The following SORCS1 variants were observed in gnomAD, a reference collection of about 807,000 sequenced individuals.
SORCS1 encodes sortilin related VPS10 domain containing receptor 1, also known as VPS10 domain-containing receptor SorCS1.
In SORCS1, 60 loss-of-function variants were observed where a neutral mutation model predicts 146.1. That is an observed-to-expected ratio of 0.41 (90% CI 0.33 to 0.51). The LOEUF (loss-of-function observed/expected upper bound fraction) is 0.51, where lower values mean the gene tolerates loss of function less well. Among genes scored for constraint, SORCS1 ranks in the 20% least tolerant of loss-of-function variants. The probability of loss-of-function intolerance (pLI) is 0.21; values close to 1 mark genes in which losing one functional copy is unlikely to be tolerated. For synonymous variants in SORCS1, 637 were observed against 584.0 expected, an observed-to-expected ratio of 1.09 and a Z score of -1.31; for missense variants, 1,352 against 1,487.6, an observed-to-expected ratio of 0.91 and a Z score of 1.50.
Position 107,030,849 on chromosome 10 carries a change from A to G in SORCS1, c.559-74269T>C, listed in dbSNP as rs552701967. 7.2e-5 allele frequency among the ~76,000 whole-genome samples: 11 copies of G among 152,368 alleles called. No homozygotes were observed. In the East Asian group the frequency reaches 2.1e-3, roughly 29 times the overall value. ...TTGGATGACAACTAAGAAAATGACAAAATCACAAGGACAAAAAAGGAACAG... is the reference window on the plus strand; with the variant it reads ...TTGGATGACAACTAAGAAAATGACAGAATCACAAGGACAAAAAAGGAACAG... On this transcript the variant is annotated intron_variant, in intron 1 of 25. Coordinates refer to ENST00000263054, the MANE Select transcript of SORCS1 (RefSeq NM_052918.5).
chr10:107,153,150 T>C (rs1237674023), intron 1 of SORCS1, among the ~76,000 whole-genome samples: 1 of 151,820 alleles, frequency 6.6e-6, no homozygotes, highest in African/African-American at 2.4e-5. Flanking sequence ...TATCTGTTAT[T>C]TATGTCTCTC....
chr10:106,673,919 A>T (rs1034649307), intron 14 of SORCS1, among the ~76,000 whole-genome samples: 4 of 152,342 alleles, frequency 2.6e-5, no homozygotes, highest in Non-Finnish European at 4.4e-5. Context: ...AATTGAAGAA[A>T]GACAAATTAT....
intron 2 of SORCS1, among the ~76,000 whole-genome samples, chr10:106,918,388 C>T (rs957933419): frequency 6.6e-6 from 1 of 152,132 alleles, no homozygotes; most frequent in Non-Finnish European, 1.5e-5. Context: ...TGGTCTCAAT[C>T]TCCTGACCTG....
At chr10:107,127,720 A>G (rs1247424126) in intron 1 of SORCS1, among the ~76,000 whole-genome samples, 1 of 152,154 alleles carries the variant, frequency 6.6e-6, no homozygotes, top group Non-Finnish European at 1.5e-5. Flanking sequence ...CTGCCTTTCC[A>G]TCTGGCATTG....
intron 2 of SORCS1, among the ~76,000 whole-genome samples, chr10:106,905,680 C>T (rs1951880599): frequency 2.6e-5 from 4 of 152,150 alleles, no homozygotes; most frequent in Admixed American, 2.6e-4. Context: ...TCCAATACTA[C>T]ATCATTTGGC....
chr10:106,875,854 G>C (rs1408257332), intron 2 of SORCS1, among the ~76,000 whole-genome samples: 1 of 152,092 alleles, frequency 6.6e-6, no homozygotes, highest in Non-Finnish European at 1.5e-5. Context: ...AAAATACAGA[G>C]TGACAGAAGT....
chr10:106,652,222 A>G (rs934093156), intron 18 of SORCS1, among the ~76,000 whole-genome samples, 160 bp downstream of exon 18: 19 of 152,350 alleles, frequency 1.2e-4, no homozygotes, highest in African/African-American at 4.6e-4. Context: ...GGGAAGGTGA[A>G]GTGATAATAA....
At chr10:106,972,533 C>CTTT (rs531136280) in intron 1 of SORCS1, among the ~76,000 whole-genome samples, 5 of 146,144 alleles carry the variant, frequency 3.4e-5, no homozygotes, top group African/African-American at 1.2e-4. Flanking sequence ...TACCTTTCTT[C>CTTT]TTTTTTTTTT....
intron 5 of SORCS1, among the ~76,000 whole-genome samples, chr10:106,750,976 G>A (rs1412203336): frequency 7.1e-6 from 1 of 141,384 alleles, no homozygotes; most frequent in Non-Finnish European, 1.5e-5. Flanking sequence ...GGAGAATGGC[G>A]TGAAACTGTG....
intron 2 of SORCS1, among the ~76,000 whole-genome samples, chr10:106,913,349 GAAGA>G (rs1222439763): frequency 6.6e-6 from 1 of 152,198 alleles, no homozygotes; most frequent in Non-Finnish European, 1.5e-5. Context: ...GATTTAGAGA[GAAGA>G]AAGGTGCTGC....
chr10:106,669,150 A>C (rs555794599), intron 16 of SORCS1, among the ~76,000 whole-genome samples: 1 of 152,110 alleles, frequency 6.6e-6, no homozygotes, highest in East Asian at 1.9e-4. Flanking sequence ...GCCAAGACTA[A>C]GGGGCACGAG....
intron 6 of SORCS1, among the ~76,000 whole-genome samples, chr10:106,728,505 T>A (rs952908561): frequency 6.6e-6 from 1 of 152,128 alleles, no homozygotes; most frequent in Non-Finnish European, 1.5e-5. Context: ...TTACAGAGGA[T>A]GATGGTCAGC....
At chr10:106,601,313 C>T (rs954028476) in intron 23 of SORCS1, among the ~76,000 whole-genome samples, 5 of 152,304 alleles carry the variant, frequency 3.3e-5, no homozygotes, top group African/African-American at 1.2e-4. Flanking sequence ...ATCCTGTATA[C>T]AGTCATCCCT....
intron 1 of SORCS1, among the ~76,000 whole-genome samples, chr10:106,989,279 A>G (rs1262724868): frequency 0.2 from 27,651 of 140,166 alleles, 4,009 homozygotes; most frequent in Middle Eastern, 0.29. Context: ...CAGAAAAAAA[A>G]AAAAAAAAAA....
chr10:106,580,490 A>G (rs527620300), intron 24 of SORCS1, among the ~76,000 whole-genome samples: 1 of 152,178 alleles, frequency 6.6e-6, no homozygotes, highest in Non-Finnish European at 1.5e-5. Flanking sequence ...AAAAGTTGAC[A>G]TTTTGCAAAT....
At chr10:106,613,818 C>G in intron 21 of SORCS1, among the ~76,000 whole-genome samples, 1 of 152,016 alleles carries the variant, frequency 6.6e-6, no homozygotes, top group East Asian at 1.9e-4. Flanking sequence ...GCTTTCCTGC[C>G]CTCTCTGTGC....
At chr10:106,678,617 T>C (rs976736125) in intron 12 of SORCS1, among the ~76,000 whole-genome samples, 2 of 152,210 alleles carry the variant, frequency 1.3e-5, no homozygotes, top group East Asian at 3.9e-4. Context: ...GCATATCTTG[T>C]TAAGATTGCT....
chr10:106,738,898 G>A (rs755902437), intron 5 of SORCS1, among the ~76,000 whole-genome samples: 5 of 152,166 alleles, frequency 3.3e-5, no homozygotes, highest in Admixed American at 6.5e-5. Flanking sequence ...ATACTGCCCC[G>A]GCTGGTCTTG....
intron 1 of SORCS1, among the ~76,000 whole-genome samples, chr10:107,148,323 T>C (rs1968502885): frequency 6.6e-6 from 1 of 152,238 alleles, no homozygotes; most frequent in Non-Finnish European, 1.5e-5. Flanking sequence ...ATACGGTCTC[T>C]GTCACAACTA....
Sources: allele counts gnomAD v4.1 joint callset (sites outside exome capture counted in the v4.1 genomes callset), GRCh38; gene constraint gnomAD v4.1.1; transcripts MANE v1.5; gene names NCBI Gene and HGNC (gene_info 2026-07-23, HGNC 2026-07-21).